Variants in PAX3 observed in about 807,000 individuals in gnomAD.
The protein encoded by PAX3 is paired box 3.
PAX3 carries 14 observed loss-of-function variants against 51.6 expected under a neutral mutation model. That is an observed-to-expected ratio of 0.27 (90% CI 0.18 to 0.42). The LOEUF (loss-of-function observed/expected upper bound fraction) is 0.42, where lower values mean the gene tolerates loss of function less well. Ranked by LOEUF, PAX3 falls within the 10% of genes least tolerant of loss-of-function variation. The pLI is 1.00. For missense variants in PAX3, 540 were observed against 642.8 expected (o/e 0.84, Z 1.73); for synonymous variants, 280 against 253.4 (o/e 1.11, Z -1.00).
chr2:222,276,815 T>A (rs1694438311), intron 4 of PAX3, among the ~76,000 whole-genome samples: 1 of 152,232 alleles, frequency 6.6e-6, no homozygotes, highest in South Asian at 2.1e-4. Context: ...CATCTTCTTG[T>A]GAGGAGTCGG....
chr2:222,259,496 A>T (rs1693765127), intron 4 of PAX3, among the ~76,000 whole-genome samples: 1 of 152,226 alleles, frequency 6.6e-6, no homozygotes, highest in South Asian at 2.1e-4. Context: ...ATCTATTAAG[A>T]ACATCAAAAT....
At chr2:222,272,739 T>C (rs1467045649) in intron 4 of PAX3, among the ~76,000 whole-genome samples, 1 of 152,246 alleles carries the variant, frequency 6.6e-6, no homozygotes, top group African/African-American at 2.4e-5. Flanking sequence ...GCTAAATCTT[T>C]TTCCTCTTTC....
chr2:222,232,035 C>T (rs1361330697), intron 5 of PAX3, 43 bp downstream of exon 5: 5 of 1,566,086 alleles, frequency 3.2e-6, no homozygotes, highest in Non-Finnish European at 1.8e-6. Flanking sequence ...TGTTTGTTTC[C>T]TGTCTGGACT....
intron 4 of PAX3, among the ~76,000 whole-genome samples, chr2:222,280,359 AAG>A (rs200633301): frequency 6.0e-4 from 90 of 148,970 alleles, no homozygotes; most frequent in Middle Eastern, 7.0e-3. Context: ...AAAAGAAAGA[AAG>A]AGAGAAATAA....
Position 222,232,197 on chromosome 2 carries a change from T to G in PAX3, c.673A>C (p.Thr225Pro). 1 of 1,614,104 alleles carries G rather than the reference T, an allele frequency of 6.2e-7. No homozygotes were observed. The highest frequency in any genetic ancestry group is 8.5e-7 in the Non-Finnish European group (1 of 1,179,972). The change falls in exon 5 of 9, where the codon ACC becomes CCC. Residue 225 changes from threonine to proline, a missense_variant. By Grantham distance (38) the Thr-to-Pro change is conservative. This residue lies in a region of PAX3 where 427 missense variants were observed against 483.6 expected (regional missense o/e 0.88). Coordinates refer to ENST00000392070, the MANE Select transcript of PAX3 (RefSeq NM_181458.4). ...LKRKQRRSRT[T>P]FTAEQLEELE... ...TCCTCCAGCTGTTCTGCTGTGAAGG[T>G]GGTTCGGCTTCTGCGCTGTTTCCTC...
chr2:222,222,610 G>A (rs7590866), intron 5 of PAX3, among the ~76,000 whole-genome samples: 19,500 of 152,096 alleles, frequency 0.13, 1,377 homozygotes, highest in Middle Eastern at 0.16. Flanking sequence ...CACCATGTGG[G>A]TCTTGAACTC....
At chr2:222,204,101 T>TA (rs894743798) in intron 7 of PAX3, among the ~76,000 whole-genome samples, 43 of 152,062 alleles carry the variant, frequency 2.8e-4, no homozygotes, top group African/African-American at 9.4e-4. Context: ...GTTATATTTT[T>TA]AAAAAAAACA....
rs77480083 is a variant in PAX3 at position 222,261,069 on chromosome 2, A to G, written c.587-28786T>C. ...ATTCCTAAAATTACTATACTGATAA[A>G]CTTTATCCTTAGCTATTCATCTCAA... On this transcript the variant is annotated intron_variant, in intron 4 of 8. Transcript: ENST00000392070. Among the ~76,000 whole-genome samples, 1,506 of 152,294 alleles carry G rather than the reference A, an allele frequency of 9.9e-3. 23 individuals carry two copies. The highest frequency in any genetic ancestry group is 0.034 in the African/African-American group (1,409 of 41,548).
Position 222,293,923 on chromosome 2 carries a change from G to T in PAX3, c.586+244C>A, listed in dbSNP as rs556090761. The stretch of plus-strand genomic sequence containing the variant: ...AATTCACAGTTCTAGAATCCCAGGG[G>T]CTGAAAGTGGTTAAGAAAGAAAGAT... On this transcript the variant is annotated intron_variant, in intron 4 of 8. Coordinates refer to ENST00000392070, the MANE Select transcript of PAX3 (RefSeq NM_181458.4). The T allele has an allele frequency of 2.5e-5, 36 of 1,417,868 alleles. No individual in the cohort carries two copies. The South Asian group carries it at 3.7e-4, about 14-fold the overall frequency. 87.8% of individuals were successfully genotyped at this position (1,417,868 alleles called of 1,614,324 possible).
chr2:222,243,881 CT>C (rs1693111730), intron 4 of PAX3, among the ~76,000 whole-genome samples: 1 of 152,194 alleles, frequency 6.6e-6, no homozygotes, highest in Non-Finnish European at 1.5e-5. Flanking sequence ...ACAGAGAAGG[CT>C]GAGCTTAATC....
rs562064293 is a variant in PAX3, at chr2:222,244,426, C to T, written c.587-12143G>A. Among the ~76,000 whole-genome samples, 751 of 152,222 alleles carry T rather than the reference C, an allele frequency of 4.9e-3. 4 individuals are homozygous for T. Among genetic ancestry groups the T allele is most frequent in the Non-Finnish European group, 8.1e-3 (552 of 68,000 alleles). ...AAAGTAGGGTTTAAAACATCTGCTC[C>T]AAAGACTGGTTTTTAAGGAAAGGAG... On this transcript the variant is annotated intron_variant, in intron 4 of 8. Coordinates refer to ENST00000392070, the MANE Select transcript of PAX3 (RefSeq NM_181458.4).
intron 4 of PAX3, among the ~76,000 whole-genome samples, chr2:222,283,242 A>G (rs545465796): frequency 6.6e-6 from 1 of 152,346 alleles, no homozygotes; most frequent in South Asian, 2.1e-4. Flanking sequence ...AATTCCTGAG[A>G]TATATTCTAA....
chr2:222,231,792 A>G (rs1363213205), intron 5 of PAX3, among the ~76,000 whole-genome samples: 1 of 152,092 alleles, frequency 6.6e-6, no homozygotes, highest in Non-Finnish European at 1.5e-5. Flanking sequence ...CTCAAAATTT[A>G]TTTGCTCTTA....
chr2:222,294,385 A>G (rs1401043547), intron 3 of PAX3, 84 bp from the exon 4 acceptor site: 29 of 1,502,234 alleles, frequency 1.9e-5, no homozygotes, highest in Non-Finnish European at 2.6e-5. Context: ...CCCACCCCCA[A>G]ACACCAGCCA....
chr2:222,237,051 A>T (rs1019722758), intron 4 of PAX3, among the ~76,000 whole-genome samples: 7 of 152,160 alleles, frequency 4.6e-5, no homozygotes, highest in Non-Finnish European at 7.4e-5. Flanking sequence ...TGGCTTACCC[A>T]TTAGTTTAAC....
intron 7 of PAX3, among the ~76,000 whole-genome samples, chr2:222,204,303 A>G (rs1268756284): frequency 2.6e-5 from 4 of 152,272 alleles, no homozygotes; most frequent in South Asian, 2.1e-4. Flanking sequence ...TACTTAAAAG[A>G]ACTTGAACAT....
chr2:222,236,080 G>C (rs1319226937), intron 4 of PAX3, among the ~76,000 whole-genome samples: 1 of 152,154 alleles, frequency 6.6e-6, no homozygotes, highest in African/African-American at 2.4e-5. Context: ...AAACCCCAAA[G>C]GGATGTGGGC....
chr2:222,287,990 A>G (rs1694893238), intron 4 of PAX3, among the ~76,000 whole-genome samples: 1 of 152,272 alleles, frequency 6.6e-6, no homozygotes, highest in Admixed American at 6.5e-5. Flanking sequence ...TAAATCTGGC[A>G]TGAATTTTAC....
intron 4 of PAX3, among the ~76,000 whole-genome samples, chr2:222,257,360 AT>A (rs1693685454): frequency 6.6e-6 from 1 of 152,228 alleles, no homozygotes; most frequent in Non-Finnish European, 1.5e-5. Context: ...CCAATTAATA[AT>A]GTACTTTTAT....
Sources: gnomAD v4.1 joint callset for allele counts (sites outside exome capture counted in the v4.1 genomes callset) on GRCh38, gnomAD v4.1.1 for gene constraint, gnomAD v4.1.1 regional missense constraint, MANE v1.5 for transcripts, NCBI Gene and HGNC (gene_info 2026-07-23, HGNC 2026-07-21) for gene names.